The following ZNF507 variants were observed in gnomAD, a reference collection of about 807,000 sequenced individuals.
ZNF507 encodes the protein zinc finger protein 507.
ZNF507 carries 29 observed loss-of-function variants against 80.0 expected under a neutral mutation model. The observed-to-expected ratio is 0.36, with a 90% CI of 0.27 to 0.49. The LOEUF (loss-of-function observed/expected upper bound fraction) is 0.49. Among genes scored for constraint, ZNF507 ranks in the 20% least tolerant of loss-of-function variants. The pLI is 0.98. For synonymous variants in ZNF507, 462 were observed against 422.5 expected (o/e 1.09, Z -1.15); for missense variants, 1,081 against 1,152.2 (o/e 0.94, Z 0.90).
chr19:32,374,411 A>G (rs993100071), intron 5 of ZNF507, among the ~76,000 whole-genome samples: 3 of 150,426 alleles, frequency 2.0e-5, no homozygotes, highest in African/African-American at 7.3e-5. Context: ...TTGTTAAGGT[A>G]TATCATTATA....
At chr19:32,361,927 T>TTG (rs2145326219) in intron 5 of ZNF507, among the ~76,000 whole-genome samples, 1 of 134,814 alleles carries the variant, frequency 7.4e-6, no homozygotes, top group South Asian at 2.9e-4. Flanking sequence ...TTCCTTCCTT[T>TTG]TTTTCTTTGA....
At chr19:32,355,649 G>C (rs1310485127) in intron 3 of ZNF507, among the ~76,000 whole-genome samples, 1 of 152,164 alleles carries the variant, frequency 6.6e-6, no homozygotes, top group Admixed American at 6.5e-5. Context: ...TGGGCCAGGT[G>C]ACTCCTTGAA....
At chr19:32,371,645 T>TA (rs1395817938) in intron 5 of ZNF507, among the ~76,000 whole-genome samples, 9 of 141,700 alleles carry the variant, frequency 6.4e-5, no homozygotes, top group Admixed American at 2.7e-4. Context: ...TTATTATTAT[T>TA]TTTTTTTTTT....
chr19:32,354,129 T>G lies in ZNF507; in HGVS notation c.1299T>G (p.Ile433Met). 6.2e-7 allele frequency: 1 copy of G among 1,613,430 alleles called. No individual in the cohort carries two copies. Among genetic ancestry groups the G allele is most frequent in the Non-Finnish European group, 8.5e-7 (1 of 1,180,016 alleles). Residue 433 changes from isoleucine (I) to methionine (M), a missense_variant, in exon 3 of 7, where the codon ATT (isoleucine) becomes ATG (methionine). Physicochemically the swap from Ile to Met is conservative, Grantham distance 10. Around this residue, in one of 6 missense-constraint regions of ZNF507, gnomAD observed 614 missense variants for 583.9 expected, o/e 1.05. Transcript: ENST00000355898. ...ACCTGAGCCTGACAGAAGCTCAGAT[T>G]GGGCGCGAAGGAATGGATGATGTTT... ...GKDLSLTEAQ[I>M]GREGMDDVYR...
At chr19:32,364,951 A>G (rs1172242512) in intron 5 of ZNF507, among the ~76,000 whole-genome samples, 3 of 151,992 alleles carry the variant, frequency 2.0e-5, no homozygotes, top group Admixed American at 1.3e-4. Context: ...AGTGTTCCTT[A>G]TCGCCACATC....
chr19:32,353,367 CAAT>C lies in ZNF507; in HGVS notation c.538_540del (p.Asn180del), dbSNP rs756227339. 23 of 1,614,054 alleles carry C rather than the reference CAAT, an allele frequency of 1.4e-5. No individual in the cohort carries two copies. Among genetic ancestry groups the C allele is most frequent in the South Asian group, 2.2e-5 (2 of 91,086 alleles). ...AAGCCCACGTGGTGAATGACCATGA[CAAT>C]GATGCCAATATCCACACCCAATCCA... On this transcript the variant is annotated inframe_deletion, in exon 3 of 7. Transcript: ENST00000355898.
chr19:32,372,035 T>C (rs934120982), intron 5 of ZNF507, among the ~76,000 whole-genome samples: 2 of 152,220 alleles, frequency 1.3e-5, no homozygotes, highest in African/African-American at 2.4e-5. Context: ...AGATAATTTG[T>C]TATAGCATTG....
At chr19:32,366,864 T>C (rs1004724586) in intron 5 of ZNF507, among the ~76,000 whole-genome samples, 1 of 152,244 alleles carries the variant, frequency 6.6e-6, no homozygotes, top group Admixed American at 6.5e-5. Context: ...TAATCTTTAT[T>C]GTTTTGGTAG....
rs765653413 is a variant in ZNF507 at position 32,354,342 on chromosome 19, T to A, written c.1512T>A (p.Pro504=). The part of the protein sequence containing the change: ...SLAAEALVTM[P]IRAAELTRAN... ...CTGCAGAAGCCCTTGTCACAATGCC[T>A]ATAAGAGCTGCAGAGTTGACAAGAG... Residue 504 remains proline, a synonymous_variant, in exon 3 of 7, where the codon CCT becomes CCA. Transcript: ENST00000355898. 5 of 1,614,046 alleles carry A rather than the reference T, an allele frequency of 3.1e-6. No homozygotes were observed. Among genetic ancestry groups the A allele is most frequent in the Non-Finnish European group, 3.4e-6 (4 of 1,180,042 alleles).
intron 5 of ZNF507, among the ~76,000 whole-genome samples, chr19:32,371,788 C>T (rs556327310): frequency 2.0e-5 from 3 of 151,774 alleles, no homozygotes; most frequent in Admixed American, 6.6e-5. Context: ...TACAGGCGCC[C>T]GCTACCATAC....
At chr19:32,348,303 A>AT (rs11312458) in intron 2 of ZNF507, among the ~76,000 whole-genome samples, 3 of 149,590 alleles carry the variant, frequency 2.0e-5, no homozygotes, top group East Asian at 2.0e-4. Context: ...TTATAGCACA[A>AT]TTTTTTTTTT....
chr19:32,358,330 T>C (rs1236546891), intron 4 of ZNF507: 1 of 152,254 alleles, frequency 6.6e-6, no homozygotes, highest in African/African-American at 2.4e-5. Flanking sequence ...TCTTTACCTA[T>C]TTAGTAAACT....
At chr19:32,350,993 C>G in intron 2 of ZNF507, among the ~76,000 whole-genome samples, 1 of 152,134 alleles carries the variant, frequency 6.6e-6, no homozygotes, top group East Asian at 1.9e-4. Context: ...AATTGTTCCC[C>G]CATTGGTCTC....
chr19:32,368,656 T>C (rs549840861), intron 5 of ZNF507, among the ~76,000 whole-genome samples: 1 of 152,168 alleles, frequency 6.6e-6, no homozygotes, highest in Non-Finnish European at 1.5e-5. Context: ...GGAGATAGTT[T>C]TATCAGGAGG....
intron 5 of ZNF507, among the ~76,000 whole-genome samples, chr19:32,368,707 GTT>G (rs1169737720): frequency 6.6e-6 from 1 of 152,190 alleles, no homozygotes; most frequent in Admixed American, 6.5e-5. Context: ...AACTGAAAGA[GTT>G]TGTTTTTCTC....
At position 32,386,669 on chromosome 19, in the gene ZNF507, C is replaced by CTAGG. The variant is rs1967694189; in HGVS notation, c.*3587_*3590dup. ...AGCTGCATGCCTTAAAGCGGAAACT[C>CTAGG]TAGGACTGTGTTCATGGGAGAGCAG... On this transcript the variant is annotated 3_prime_UTR_variant, in exon 7 of 7. Coordinates refer to ENST00000355898, the MANE Select transcript of ZNF507 (RefSeq NM_001136156.2). 2 of 152,740 alleles carry CTAGG rather than the reference C, an allele frequency of 1.3e-5. No homozygotes were observed. The highest frequency in any genetic ancestry group is 4.8e-5 in the African/African-American group (2 of 41,570). The allele number at this position is 152,740 out of a possible 1,614,324, so 9.5% of individuals were successfully genotyped here.
chr19:32,367,953 C>T (rs531499784), intron 5 of ZNF507, among the ~76,000 whole-genome samples: 1 of 152,300 alleles, frequency 6.6e-6, no homozygotes, highest in Admixed American at 6.5e-5. Flanking sequence ...TCAGTTCAGT[C>T]CTCACAGCAG....
chr19:32,354,675 C>G lies in ZNF507; in HGVS notation c.1845C>G (p.Ala615=). 1 of 1,614,116 alleles carries G rather than the reference C, an allele frequency of 6.2e-7. No homozygotes were observed. Among genetic ancestry groups the G allele is most frequent in the African/African-American group, 1.3e-5 (1 of 75,030 alleles). The change falls in exon 3 of 7, where the codon GCC becomes GCG. Residue 615 remains alanine, a synonymous_variant. Coordinates refer to ENST00000355898, the MANE Select transcript of ZNF507 (RefSeq NM_001136156.2). ...DDILKELQDN[A]QCQPNSDTSL... Reference sequence around the variant, plus strand: ...TTTTGAAAGAGTTGCAGGACAACGCCCAGTGCCAACCCAACAGCGATACAA... The same window carrying G: ...TTTTGAAAGAGTTGCAGGACAACGCGCAGTGCCAACCCAACAGCGATACAA...
chr19:32,356,590 A>G (rs1237514895), intron 3 of ZNF507, 26 bp from the exon 4 acceptor site: 2 of 1,548,510 alleles, frequency 1.3e-6, no homozygotes, highest in Non-Finnish European at 1.8e-6. Flanking sequence ...TTTATTGAAA[A>G]TTACATATTT....
Sources: gnomAD v4.1 joint callset for allele counts (sites outside exome capture counted in the v4.1 genomes callset) on GRCh38, gnomAD v4.1.1 for gene constraint, gnomAD v4.1.1 regional missense constraint, MANE v1.5 for transcripts, NCBI Gene and HGNC (gene_info 2026-07-23, HGNC 2026-07-21) for gene names.